Variants in IL33 observed in about 807,000 individuals in gnomAD.
The protein encoded by IL33 is interleukin-33.
In IL33, 37 loss-of-function variants were observed where a neutral mutation model predicts 27.3. That is an observed-to-expected ratio of 1.36 (90% CI 1.04 to 1.78). The LOEUF (loss-of-function observed/expected upper bound fraction) is 1.78, where lower values mean the gene tolerates loss of function less well. Ranked by LOEUF, IL33 falls within the 40% of genes most tolerant of loss-of-function variation. IL33 has a pLI of 0.00. For synonymous variants in IL33, 132 were observed against 102.9 expected (o/e 1.28, Z -1.71); for missense variants, 406 against 311.4 (o/e 1.30, Z -2.29).
At chr9:6,245,507 G>A (rs1280503042) in intron 2 of IL33, among the ~76,000 whole-genome samples, 2 of 152,174 alleles carry the variant, frequency 1.3e-5, no homozygotes, top group African/African-American at 2.4e-5. Context: ...TTACTTTACA[G>A]AGATCACATT....
rs757546859 is a variant in IL33, at chr9:6,254,446, C to T, written c.521-16C>T. On this transcript the variant is annotated splice_polypyrimidine_tract_variant and intron_variant, in intron 6 of 7. Transcript: ENST00000682010. ...ACAGTTCTTAACTTTATCATTTATA[C>T]TTTCTTAATTGTAAGGTGACGGTGT... 2.5e-5 allele frequency: 38 copies of T among 1,501,028 alleles called. No homozygotes were observed. Among genetic ancestry groups the T allele is most frequent in the Non-Finnish European group, 3.2e-5 (35 of 1,103,816 alleles). The allele number at this position is 1,501,028 out of a possible 1,614,324, so 93.0% of individuals were successfully genotyped here.
chr9:6,219,910 G>C (rs1445533477), intron 1 of IL33, among the ~76,000 whole-genome samples: 1 of 152,142 alleles, frequency 6.6e-6, no homozygotes, highest in African/African-American at 2.4e-5. Context: ...TTAAAGTCCA[G>C]GGTCAGGTCC....
chr9:6,240,416 A>G (rs1432806054), intron 1 of IL33, among the ~76,000 whole-genome samples: 1 of 152,240 alleles, frequency 6.6e-6, no homozygotes, highest in Non-Finnish European at 1.5e-5. Flanking sequence ...TGTCTGGGTT[A>G]AAATAAAGGA....
At chr9:6,217,417 C>T (rs1045152466) in intron 1 of IL33, among the ~76,000 whole-genome samples, 4 of 152,096 alleles carry the variant, frequency 2.6e-5, no homozygotes, top group Admixed American at 1.3e-4. Flanking sequence ...TTAAACCATA[C>T]CCTAAATTTC....
upstream of IL33, among the ~76,000 whole-genome samples, chr9:6,215,355 T>C (rs1240395607): frequency 1.3e-5 from 2 of 152,204 alleles, no homozygotes; most frequent in Non-Finnish European, 2.9e-5. Context: ...ACAGAGTATT[T>C]CAGAGCTTTT....
chr9:6,250,805 G>C (rs542968435), intron 3 of IL33, among the ~76,000 whole-genome samples: 1 of 152,186 alleles, frequency 6.6e-6, no homozygotes, highest in Non-Finnish European at 1.5e-5. Flanking sequence ...ATAATGTTAA[G>C]TGAAAACAAA....
At chr9:6,223,507 C>T (rs1564048962) in intron 1 of IL33, among the ~76,000 whole-genome samples, 1 of 150,930 alleles carries the variant, frequency 6.6e-6, no homozygotes, top group Non-Finnish European at 1.5e-5. Flanking sequence ...ATATTATTTT[C>T]TTGATTTTTA....
intron 1 of IL33, among the ~76,000 whole-genome samples, chr9:6,217,270 C>A (rs1185558885): frequency 6.6e-6 from 1 of 152,050 alleles, no homozygotes; most frequent in Non-Finnish European, 1.5e-5. Flanking sequence ...AATCTTGTGA[C>A]CTCCAGAATC....
intron 1 of IL33, 74 bp downstream of exon 1, chr9:6,215,926 G>GTTTT (rs34298651): frequency 7.0e-6 from 1 of 143,276 alleles, no homozygotes; most frequent in African/African-American, 2.5e-5. Context: ...GGAGAACTGT[G>GTTTT]TTTTTTTTTT....
chr9:6,237,431 G>C (rs181097006), intron 1 of IL33, among the ~76,000 whole-genome samples: 1 of 152,130 alleles, frequency 6.6e-6, no homozygotes, highest in African/African-American at 2.4e-5. Flanking sequence ...GACTTTCTCT[G>C]TGTCAATGAC....
intron 1 of IL33, among the ~76,000 whole-genome samples, chr9:6,239,342 G>T (rs144862842): frequency 6.6e-6 from 1 of 152,236 alleles, no homozygotes; most frequent in Non-Finnish European, 1.5e-5. Context: ...ACTGAGCTAG[G>T]CATGTCCACA....
chr9:6,215,780 A>G (rs923758305), upstream of IL33: 1 of 152,156 alleles, frequency 6.6e-6, no homozygotes, highest in Non-Finnish European at 1.5e-5. Flanking sequence ...TTTGGCTAAT[A>G]AAAAGAGTCT....
intron 1 of IL33, among the ~76,000 whole-genome samples, chr9:6,216,722 T>G (rs1319278731): frequency 6.6e-6 from 1 of 152,130 alleles, no homozygotes; most frequent in African/African-American, 2.4e-5. Flanking sequence ...CACTCCAGCC[T>G]GGGTAACAAG....
At chr9:6,230,771 A>G (rs888193090) in intron 1 of IL33, among the ~76,000 whole-genome samples, 2 of 152,338 alleles carry the variant, frequency 1.3e-5, no homozygotes, top group South Asian at 2.1e-4. Context: ...TTCAAGAGAA[A>G]CCAAGCTTGA....
upstream of IL33, among the ~76,000 whole-genome samples, chr9:6,215,450 C>G (rs527355267): frequency 5.3e-5 from 8 of 152,308 alleles, no homozygotes; most frequent in African/African-American, 1.9e-4. Flanking sequence ...ATACACTGAT[C>G]TCTTAATGAA....
At chr9:6,218,907 TA>T (rs1818291186) in intron 1 of IL33, among the ~76,000 whole-genome samples, 1 of 53,804 alleles carries the variant, frequency 1.9e-5, no homozygotes, top group Non-Finnish European at 4.1e-5. Flanking sequence ...TCCATATATA[TA>T]TATATATATA....
At chr9:6,230,059 G>C (rs1818850814) in intron 1 of IL33, among the ~76,000 whole-genome samples, 1 of 152,206 alleles carries the variant, frequency 6.6e-6, no homozygotes, top group Non-Finnish European at 1.5e-5. Context: ...TAAATGTAGA[G>C]AGTATGGAGG....
chr9:6,246,813 A>T (rs989063553), intron 2 of IL33, among the ~76,000 whole-genome samples: 1 of 152,196 alleles, frequency 6.6e-6, no homozygotes, highest in Non-Finnish European at 1.5e-5. Context: ...CAGCCCCTCA[A>T]TCTTGGACTT....
chr9:6,249,776 T>C (rs1166171749), intron 2 of IL33, among the ~76,000 whole-genome samples: 1 of 152,194 alleles, frequency 6.6e-6, no homozygotes, highest in Non-Finnish European at 1.5e-5. Context: ...GATTATCATC[T>C]GTAAAATGGG....
Sources: gnomAD v4.1 joint callset for allele counts (sites outside exome capture counted in the v4.1 genomes callset) on GRCh38, gnomAD v4.1.1 for gene constraint, MANE v1.5 for transcripts, NCBI Gene and HGNC (gene_info 2026-07-23, HGNC 2026-07-21) for gene names.